Variants in MAN2B1 observed in about 807,000 individuals in gnomAD.
The protein encoded by MAN2B1 is mannosidase alpha class 2B member 1.
Under a neutral mutation model 127.5 loss-of-function variants are expected in MAN2B1, and 99 were observed. That is an observed-to-expected ratio of 0.78 (90% CI 0.66 to 0.92). The LOEUF is 0.92. Ranked by LOEUF, MAN2B1 falls within the 40% of genes least tolerant of loss-of-function variation. The pLI, the probability that MAN2B1 is intolerant of heterozygous loss-of-function variation, is 0.00. For synonymous variants in MAN2B1, 573 were observed against 568.8 expected (o/e 1.01, Z -0.11); for missense variants, 1,304 against 1,384.8 (o/e 0.94, Z 0.93).
intron 14 of MAN2B1, among the ~76,000 whole-genome samples, chr19:12,653,767 G>A (rs2023895536): frequency 6.6e-6 from 1 of 151,972 alleles, no homozygotes; most frequent in South Asian, 2.1e-4. Flanking sequence ...CCCCCAGGCT[G>A]GAGTGCAGTG....
intron 21 of MAN2B1, 56 bp downstream of exon 21, chr19:12,648,119 C>G (rs2023738696): frequency 6.7e-7 from 1 of 1,485,324 alleles, no homozygotes; most frequent in Admixed American, 2.0e-5. Context: ...GCACCCAAAC[C>G]CGGCTCCCTG....
chr19:12,655,460 C>T (rs1175862785), intron 14 of MAN2B1, among the ~76,000 whole-genome samples: 1 of 152,216 alleles, frequency 6.6e-6, no homozygotes, highest in Non-Finnish European at 1.5e-5. Flanking sequence ...CCACCTGCCA[C>T]CAACTCTGAC....
chr19:12,659,925 G>A (rs780882118), intron 7 of MAN2B1, among the ~76,000 whole-genome samples: 4 of 152,202 alleles, frequency 2.6e-5, no homozygotes, highest in Non-Finnish European at 5.9e-5. Context: ...CGAGTGGAAG[G>A]TGGGAATGGA....
At position 12,664,834 on chromosome 19, in the gene MAN2B1, G is replaced by A; in HGVS notation, c.588C>T (p.Asp196=). Residue 196 remains aspartate, a synonymous_variant, in exon 4 of 24, where the codon GAC becomes GAT. Coordinates refer to ENST00000456935, the MANE Select transcript of MAN2B1 (RefSeq NM_000528.4). ...DGRPRVAWHI[D]PFGHSREQAS... ...CCTGCTCCCGAGAGTGGCCGAAGGG[G>A]TCAATGTGCCAGGCCACACGGGGTC... 2 of 1,613,924 alleles carry A rather than the reference G, an allele frequency of 1.2e-6. No individual in the cohort carries two copies. Among genetic ancestry groups the A allele is most frequent in the Non-Finnish European group, 8.5e-7 (1 of 1,179,952 alleles).
chr19:12,654,385 T>C (rs2023913233), intron 14 of MAN2B1, among the ~76,000 whole-genome samples: 1 of 152,078 alleles, frequency 6.6e-6, no homozygotes, highest in African/African-American at 2.4e-5. Context: ...ACCAGGGCCT[T>C]CCAGGGCCAG....
chr19:12,663,951 G>C, intron 4 of MAN2B1, 116 bp from the exon 5 acceptor site: 1 of 1,350,596 alleles, frequency 7.4e-7, no homozygotes, highest in Non-Finnish European at 1.0e-6. Flanking sequence ...GTGCTAGGTC[G>C]ATGTGGTGGC....
chr19:12,664,667 G>C, intron 4 of MAN2B1, 125 bp downstream of exon 4: 1 of 1,021,438 alleles, frequency 9.8e-7, no homozygotes, highest in Non-Finnish European at 1.5e-6. Flanking sequence ...AAGGGGCAGG[G>C]CTTCAACAGG....
intron 7 of MAN2B1, chr19:12,660,927 T>G (rs2024088001): frequency 2.9e-6 from 1 of 344,168 alleles, no homozygotes; most frequent in African/African-American, 2.1e-5. Flanking sequence ...CCCAGCTAAT[T>G]TCTGTATTTT....
At chr19:12,650,807 T>C (rs1000899152) in intron 16 of MAN2B1, among the ~76,000 whole-genome samples, 4 of 151,990 alleles carry the variant, frequency 2.6e-5, no homozygotes, top group African/African-American at 4.8e-5. Flanking sequence ...AGTAGAGGGA[T>C]TGCAGGTACC....
intron 13 of MAN2B1, chr19:12,656,174 C>T (rs1599348807): frequency 2.3e-6 from 1 of 438,192 alleles, no homozygotes; most frequent in Admixed American, 3.9e-5. Flanking sequence ...TGGGGGAGGA[C>T]GTTTTCTGGA....
At chr19:12,666,489 T>C in intron 1 of MAN2B1, 54 bp downstream of exon 1, 1 of 1,549,252 alleles carries the variant, frequency 6.5e-7, no homozygotes, top group South Asian at 1.2e-5. Flanking sequence ...CTCTAGACTG[T>C]ATTCTGGGTT....
At chr19:12,646,772 G>C in intron 23 of MAN2B1, 40 bp from the exon 24 acceptor site, 3 of 1,327,316 alleles carry the variant, frequency 2.3e-6, no homozygotes, top group Non-Finnish European at 3.3e-6. Flanking sequence ...AGGAGGTGCA[G>C]ACTTCCTCTG....
At chr19:12,652,058 C>T (rs779169020) in intron 16 of MAN2B1, 95 bp downstream of exon 16, 2 of 934,614 alleles carry the variant, frequency 2.1e-6, no homozygotes, top group South Asian at 2.6e-5. Context: ...AAAGTAAATC[C>T]TCCCCTACCC....
intron 6 of MAN2B1, among the ~76,000 whole-genome samples, chr19:12,661,777 TAGG>T (rs960487302): frequency 2.5e-4 from 38 of 150,668 alleles, no homozygotes; most frequent in African/African-American, 9.1e-4. Flanking sequence ...CGCTTGAGTC[TAGG>T]AGTTTAAGAC....
chr19:12,647,191 G>T lies in MAN2B1; in HGVS notation c.2923+42C>A, dbSNP rs1310571408. On this transcript the variant is annotated intron_variant, in intron 23 of 23. Transcript: ENST00000456935. The surrounding 1 kb of genome is among the most constrained non-coding windows in gnomAD (Gnocchi z 4.9). ...ACATTGCCCCCACCTGCCGGCCCCAGGTAAGACTCCACCCCTTCCCTACCC... is the reference window on the plus strand; with the variant it reads ...ACATTGCCCCCACCTGCCGGCCCCATGTAAGACTCCACCCCTTCCCTACCC... 3.9e-6 allele frequency: 6 copies of T among 1,557,528 alleles called. No homozygotes were observed. Among genetic ancestry groups the T allele is most frequent in the Non-Finnish European group, 5.3e-6 (6 of 1,128,912 alleles).
intron 14 of MAN2B1, among the ~76,000 whole-genome samples, 183 bp downstream of exon 14, chr19:12,655,511 T>A (rs898128911): frequency 6.6e-6 from 1 of 152,102 alleles, no homozygotes; most frequent in African/African-American, 2.4e-5. Flanking sequence ...TGGGTCCTCA[T>A]AACAGTCCCA....
At chr19:12,659,784 A>C (rs112507284) in intron 7 of MAN2B1, among the ~76,000 whole-genome samples, 1 of 151,814 alleles carries the variant, frequency 6.6e-6, no homozygotes, top group African/African-American at 2.4e-5. Context: ...ATGCCACTGC[A>C]CTCCAGCCTG....
chr19:12,646,740 G>A lies in MAN2B1; in HGVS notation c.2924-8C>T. 6.3e-7 allele frequency: 1 copy of A among 1,594,702 alleles called. No individual in the cohort carries two copies. The highest frequency in any genetic ancestry group is 8.6e-7 in the Non-Finnish European group (1 of 1,162,302). On this transcript the variant is annotated splice_polypyrimidine_tract_variant and splice_region_variant and intron_variant, in intron 23 of 23. Transcript: ENST00000456935. ...TTTGGTGGGGTGTGGGGCCTGGAGA[G>A]GTGCAGGGGGAAGGAGGAGTGAGGA...
In MAN2B1 at chr19:12,652,344, C is replaced by T; in HGVS notation, c.1928+19G>A. On this transcript the variant is annotated intron_variant, in intron 15 of 23. Transcript: ENST00000456935. Reference sequence around the variant, plus strand: ...CGAGCACCACCACCCCACCCTCAGGCCTGGTGATCTTCCCTTACCAGAAGA... The same window carrying T: ...CGAGCACCACCACCCCACCCTCAGGTCTGGTGATCTTCCCTTACCAGAAGA... The T allele has an allele frequency of 6.2e-7, 1 of 1,610,980 alleles. No individual in the cohort carries two copies. The highest frequency in any genetic ancestry group is 8.5e-7 in the Non-Finnish European group (1 of 1,177,244).
Sources: allele counts gnomAD v4.1 joint callset (sites outside exome capture counted in the v4.1 genomes callset), GRCh38; gene constraint gnomAD v4.1.1; non-coding constraint Gnocchi (gnomAD v3.1); transcripts MANE v1.5; gene names NCBI Gene and HGNC (gene_info 2026-07-23, HGNC 2026-07-21).